The following POMGNT2 variants were observed in gnomAD, a reference collection of about 807,000 sequenced individuals.
The protein encoded by POMGNT2 is protein O-linked-mannose beta-1,4-N-acetylglucosaminyltransferase 2.
Under a neutral mutation model 37.8 loss-of-function variants are expected in POMGNT2, and 32 were observed. The observed-to-expected ratio is 0.85, with a 90% CI of 0.64 to 1.14. The LOEUF is 1.14. POMGNT2 is among the 50% of genes most tolerant of loss of function. The pLI is 0.00. For synonymous variants in POMGNT2, 340 were observed against 336.8 expected (o/e 1.01, Z -0.10); for missense variants, 705 against 780.6 (o/e 0.90, Z 1.15).
intron 1 of POMGNT2, among the ~76,000 whole-genome samples, chr3:43,092,703 G>A (rs2089952809): frequency 6.6e-6 from 1 of 152,088 alleles, no homozygotes; most frequent in Non-Finnish European, 1.5e-5. Flanking sequence ...CCCGACAGGG[G>A]GATACTGATC....
At position 43,080,461 on chromosome 3, in the gene POMGNT2, T is replaced by A; in HGVS notation, c.971A>T (p.Glu324Val). ...CACGACATCAGCAAAGGTGTGGTCC[T>A]CCAGGGACACTGTCACTGTCTTCAT... ...FQMKTVTVSL[E>V]DHTFADVVRL... The change falls in exon 2 of 2, where the codon GAG becomes GTG. Residue 324 changes from glutamate (E) to valine (V), a missense_variant. Physicochemically the swap from Glu to Val is moderately radical, Grantham distance 121 (BLOSUM62 -2). Transcript: ENST00000344697. 1 of 1,614,194 alleles carries A rather than the reference T, an allele frequency of 6.2e-7. No individual in the cohort carries two copies. Among genetic ancestry groups the A allele is most frequent in the Non-Finnish European group, 8.5e-7 (1 of 1,180,034 alleles).
chr3:43,102,928 T>C (rs753402390), intron 1 of POMGNT2, among the ~76,000 whole-genome samples: 6 of 152,102 alleles, frequency 3.9e-5, no homozygotes, highest in Non-Finnish European at 8.8e-5. Flanking sequence ...CCCTGGACTG[T>C]AACTTAGCAA....
Position 43,079,652 on chromosome 3 carries a change from G to A in POMGNT2, c.*37C>T, listed in dbSNP as rs1295685670. ...ATGGGCCCAGGGACGCTGAACTGCA[G>A]GAGCCACCTTCCCGAGGCCAGGCTG... On this transcript the variant is annotated 3_prime_UTR_variant, in exon 2 of 2. Coordinates refer to ENST00000344697, the MANE Select transcript of POMGNT2 (RefSeq NM_032806.6). The A allele has an allele frequency of 1.3e-6, 2 of 1,575,858 alleles. No homozygotes were observed. Among genetic ancestry groups the A allele is most frequent in the South Asian group, 1.2e-5 (1 of 84,392 alleles).
intron 1 of POMGNT2, among the ~76,000 whole-genome samples, chr3:43,093,149 G>A (rs1348678487): frequency 6.6e-6 from 1 of 152,230 alleles, no homozygotes; most frequent in Non-Finnish European, 1.5e-5. Flanking sequence ...AGTGGCTGCA[G>A]GCAGGAGTCT....
In POMGNT2 at chr3:43,080,295, C is replaced by A. The variant is rs377724350; in HGVS notation, c.1137G>T (p.Thr379=). 2.4e-5 allele frequency: 38 copies of A among 1,614,060 alleles called. No homozygotes were observed. The highest frequency in any genetic ancestry group is 2.8e-5 in the Non-Finnish European group (33 of 1,180,044). The stretch of plus-strand genomic sequence containing the variant: ...GGTCCATGCCAGGCAGCATGGCCAG[C>A]GTCTTATAGGGAGTGTAGTGGTCGG... ...VNPDHYTPYK[T]LAMLPGMDLQ... The change falls in exon 2 of 2, where the codon ACG becomes ACT. Residue 379 remains threonine, a synonymous_variant. Transcript: ENST00000344697.
At position 43,105,871 on chromosome 3, in the gene POMGNT2, GC is replaced by G. The variant is rs1234488629; in HGVS notation, c.-142del. The G allele has an allele frequency of 6.6e-6, 1 of 151,760 alleles. No individual in the cohort carries two copies. The highest frequency in any genetic ancestry group is 2.4e-5 in the African/African-American group (1 of 41,324). 9.4% of individuals were successfully genotyped at this position (151,760 alleles called of 1,614,324 possible). A position where few individuals can be genotyped will look rare whatever the true frequency, so the allele number is the denominator to read the frequency against. On this transcript the variant is annotated 5_prime_UTR_variant, in exon 1 of 2. Coordinates refer to ENST00000344697, the MANE Select transcript of POMGNT2 (RefSeq NM_032806.6). ...GACTCCGCGGGACGAAGCCACCTCCGCCGACGCGTCCAGGAGGCCCCACGGC... is the reference window on the plus strand; with the variant it reads ...GACTCCGCGGGACGAAGCCACCTCCGCGACGCGTCCAGGAGGCCCCACGGC...
At chr3:43,086,829 A>G (rs75966589) in intron 1 of POMGNT2, among the ~76,000 whole-genome samples, 2,500 of 152,086 alleles carry the variant, frequency 0.016, 32 homozygotes, top group East Asian at 0.055. Flanking sequence ...GAAGGGAGAA[A>G]GGAGAGGTGA....
intron 1 of POMGNT2, among the ~76,000 whole-genome samples, chr3:43,085,923 C>G (rs1272387124): frequency 6.6e-6 from 1 of 152,118 alleles, no homozygotes; most frequent in Non-Finnish European, 1.5e-5. Flanking sequence ...AGAAGAAAAC[C>G]CAGAGAACTC....
In POMGNT2 at chr3:43,080,884, G is replaced by C; in HGVS notation, c.548C>G (p.Pro183Arg). The change falls in exon 2 of 2, where the codon CCC (proline) becomes CGC (arginine). Residue 183 changes from proline (P) to arginine (R), a missense_variant. Physicochemically the swap from Pro to Arg is moderately radical, Grantham distance 103. Coordinates refer to ENST00000344697, the MANE Select transcript of POMGNT2 (RefSeq NM_032806.6). ...LPLFYTLRQF[P>R]GLAHEARLFF... ...GAGCCGTGCCTCGTGGGCCAGGCCGGGAAACTGCCGCAGGGTGTAGAAGAG... is the reference window on the plus strand; with the variant it reads ...GAGCCGTGCCTCGTGGGCCAGGCCGCGAAACTGCCGCAGGGTGTAGAAGAG... 6.2e-7 allele frequency: 1 copy of C among 1,614,172 alleles called. No homozygotes were observed. The highest frequency in any genetic ancestry group is 1.1e-5 in the South Asian group (1 of 91,088).
At chr3:43,104,370 A>G (rs746878682) in intron 1 of POMGNT2, among the ~76,000 whole-genome samples, 2 of 152,220 alleles carry the variant, frequency 1.3e-5, no homozygotes. Context: ...AGTTAGTGCA[A>G]TATTTACTAG....
In POMGNT2 at chr3:43,080,915, G is replaced by A; in HGVS notation, c.517C>T (p.Leu173=). 6.2e-7 allele frequency: 1 copy of A among 1,614,136 alleles called. No homozygotes were observed. Among genetic ancestry groups the A allele is most frequent in the South Asian group, 1.1e-5 (1 of 91,084 alleles). The change falls in exon 2 of 2, where the codon CTG becomes TTG. Residue 173 remains leucine (L), a synonymous_variant. Coordinates refer to ENST00000344697, the MANE Select transcript of POMGNT2 (RefSeq NM_032806.6). ...NLMHVFHDDL[L]PLFYTLRQFP... ...TGCCGCAGGGTGTAGAAGAGTGGCA[G>A]CAGGTCGTCATGAAAGACGTGCATG...
intron 1 of POMGNT2, among the ~76,000 whole-genome samples, chr3:43,099,711 A>G (rs1312042764): frequency 1.3e-5 from 2 of 152,056 alleles, no homozygotes; most frequent in East Asian, 3.9e-4. Context: ...CTGCAGGGTG[A>G]CGCTTTATGG....
At chr3:43,102,182 T>C (rs1205345592) in intron 1 of POMGNT2, among the ~76,000 whole-genome samples, 1 of 152,100 alleles carries the variant, frequency 6.6e-6, no homozygotes, top group African/African-American at 2.4e-5. Flanking sequence ...CACTCCAGGA[T>C]GTGCCATGAT....
chr3:43,105,235 A>C (rs981501882), intron 1 of POMGNT2, among the ~76,000 whole-genome samples: 4 of 152,202 alleles, frequency 2.6e-5, no homozygotes, highest in Non-Finnish European at 5.9e-5. Flanking sequence ...ACATGGAGTC[A>C]GGAGTTCACT....
chr3:43,080,519 C>G lies in POMGNT2; in HGVS notation c.913G>C (p.Glu305Gln). 1 of 1,614,238 alleles carries G rather than the reference C, an allele frequency of 6.2e-7. No individual in the cohort carries two copies. The highest frequency in any genetic ancestry group is 8.5e-7 in the Non-Finnish European group (1 of 1,180,044). ...TCCTGGGCCAGTGCCAGCAGCAGCT[C>G]TGCCTCATTCAGAATGAGTCTGTTC... ...TQNRLILNEA[E>Q]LLLALAQEFQ... Residue 305 changes from glutamate (E) to glutamine (Q), a missense_variant, in exon 2 of 2, where the codon GAG becomes CAG. By Grantham distance (29) the Glu-to-Gln change is conservative. Transcript: ENST00000344697.
At chr3:43,082,511 C>G (rs147120795) in intron 1 of POMGNT2, among the ~76,000 whole-genome samples, 1 of 152,198 alleles carries the variant, frequency 6.6e-6, no homozygotes, top group Non-Finnish European at 1.5e-5. Flanking sequence ...CTCCCATATA[C>G]ACACACTGAC....
At chr3:43,085,418 G>C (rs1005932001) in intron 1 of POMGNT2, among the ~76,000 whole-genome samples, 7 of 152,090 alleles carry the variant, frequency 4.6e-5, no homozygotes, top group African/African-American at 7.2e-5. Context: ...CTTGGGTTGG[G>C]GGGGGTTCTT....
chr3:43,101,001 AAGG>A (rs1264615602), intron 1 of POMGNT2, among the ~76,000 whole-genome samples: 1 of 152,166 alleles, frequency 6.6e-6, no homozygotes, highest in Non-Finnish European at 1.5e-5. Context: ...AGGATGCTAG[AAGG>A]AGTAGGGCCA....
chr3:43,080,186 G>A lies in POMGNT2; in HGVS notation c.1246C>T (p.His416Tyr), dbSNP rs373885542. The A allele has an allele frequency of 9.0e-5, 146 of 1,613,868 alleles. No individual in the cohort carries two copies. Among genetic ancestry groups the A allele is most frequent in the Non-Finnish European group, 1.2e-4 (142 of 1,179,924 alleles). Residue 416 changes from histidine (H) to tyrosine (Y), a missense_variant, in exon 2 of 2, where the codon CAT (histidine) becomes TAT (tyrosine). Transcript: ENST00000344697. Reference protein sequence around the residue: ...ERPWDQGGITHLDRAEQARIL... With the variant: ...ERPWDQGGITYLDRAEQARIL... ...CGGGCTTGCTCAGCCCGGTCCAGAT[G>A]GGTGATGCCCCCCTGATCCCAGGGC...
Sources: gnomAD v4.1 joint callset for allele counts (sites outside exome capture counted in the v4.1 genomes callset) on GRCh38, gnomAD v4.1.1 for gene constraint, MANE v1.5 for transcripts, NCBI Gene and HGNC (gene_info 2026-07-23, HGNC 2026-07-21) for gene names.